Variants in RSPH1 observed in about 807,000 individuals in gnomAD.
RSPH1 encodes the protein radial spoke head component 1, also known as radial spoke head 1 homolog.
In RSPH1, 32 loss-of-function variants were observed where a neutral mutation model predicts 44.2. The ratio of observed to expected loss-of-function variants is 0.72; its 90% CI spans 0.55 to 0.97. The LOEUF is 0.97. Among genes scored for constraint, RSPH1 ranks in the 50% least tolerant of loss-of-function variants. The pLI is 0.00. For synonymous variants in RSPH1, 134 were observed against 147.3 expected (o/e 0.91, Z 0.65); for missense variants, 391 against 398.7 (o/e 0.98, Z 0.16).
chr21:42,486,562 T>G (rs2054182996), intron 3 of RSPH1, 101 bp from the exon 4 acceptor site: 1 of 815,710 alleles, frequency 1.2e-6, no homozygotes, highest in Non-Finnish European at 2.2e-6. Context: ...AGATGTGTTG[T>G]GAAGCAAATG....
Position 42,496,114 on chromosome 21 carries a change from T to G in RSPH1, c.54+19A>C. 3.1e-6 allele frequency: 5 copies of G among 1,613,870 alleles called. No individual in the cohort carries two copies. Among genetic ancestry groups the G allele is most frequent in the Non-Finnish European group, 4.2e-6 (5 of 1,179,882 alleles). ...CCGCTGCGCACCCTGGGAAGCCCTTTCTCACCAGGAGCTCTCACCCCAATA... is the reference window on the plus strand; with the variant it reads ...CCGCTGCGCACCCTGGGAAGCCCTTGCTCACCAGGAGCTCTCACCCCAATA... On this transcript the variant is annotated intron_variant, in intron 1 of 8. Transcript: ENST00000291536.
intron 5 of RSPH1, chr21:42,485,252 G>C: frequency 5.8e-6 from 1 of 171,092 alleles, no homozygotes; most frequent in Admixed American, 5.7e-5. Context: ...GGGAGCTGGG[G>C]GTCTTCCTCC....
intron 6 of RSPH1, among the ~76,000 whole-genome samples, chr21:42,478,377 G>A (rs2054092724): frequency 1.3e-5 from 2 of 152,224 alleles, no homozygotes; most frequent in African/African-American, 2.4e-5. Context: ...CAATGCTGCA[G>A]GACAGGGTCC....
intron 5 of RSPH1, among the ~76,000 whole-genome samples, chr21:42,484,260 T>C (rs537794228): frequency 7.9e-5 from 12 of 152,304 alleles, no homozygotes; most frequent in Middle Eastern, 6.8e-3. Flanking sequence ...GAATATATGA[T>C]AAACAGACTC....
rs531639249 is a variant in RSPH1, at chr21:42,494,885, A to C, written c.54+1248T>G. On this transcript the variant is annotated intron_variant, in intron 1 of 8. Coordinates refer to ENST00000291536, the MANE Select transcript of RSPH1 (RefSeq NM_080860.4). ...CGGCTAATTTTTTGTATTTTAGTAG[A>C]GACAGGGTTTCACCGTGTTGCCCAG... Among the ~76,000 whole-genome samples, 14 of 152,130 alleles carry C rather than the reference A, an allele frequency of 9.2e-5. No individual in the cohort carries two copies. In the South Asian group the frequency reaches 2.9e-3, roughly 32 times the overall value.
At chr21:42,488,734 A>T in intron 3 of RSPH1, among the ~76,000 whole-genome samples, 1 of 152,198 alleles carries the variant, frequency 6.6e-6, no homozygotes, top group East Asian at 1.9e-4. Context: ...TTGTAATGCC[A>T]CCACAGGGAC....
intron 8 of RSPH1, among the ~76,000 whole-genome samples, chr21:42,473,658 G>T (rs1390840404): frequency 2.0e-5 from 3 of 152,104 alleles, no homozygotes; most frequent in Non-Finnish European, 2.9e-5. Context: ...TGTAATGTGG[G>T]ATTCATGATG....
intron 6 of RSPH1, among the ~76,000 whole-genome samples, chr21:42,478,972 C>T (rs548039081): frequency 1.3e-5 from 2 of 152,178 alleles, no homozygotes; most frequent in African/African-American, 2.4e-5. Context: ...TGGGGGAGGT[C>T]GAATGGGGAG....
chr21:42,481,429 A>C (rs2146650114), intron 6 of RSPH1, among the ~76,000 whole-genome samples: 1 of 152,298 alleles, frequency 6.6e-6, no homozygotes, highest in Non-Finnish European at 1.5e-5. Context: ...TTATAGCAGC[A>C]CAAAAAGGAC....
In RSPH1 at chr21:42,474,068, C is replaced by T. The variant is rs2054019769; in HGVS notation, c.878-1198G>A. On this transcript the variant is annotated intron_variant, in intron 8 of 8. Transcript: ENST00000291536. The surrounding 1 kb of genome is among the most constrained non-coding windows in gnomAD (Gnocchi z 5.2). ...TGCTCCATCCCCTCCGTTATCTCCC[C>T]CACCAAGTTTCTGGGGCCTCCTGCC... 6.6e-6 allele frequency among the ~76,000 whole-genome samples: 1 copy of T among 152,202 alleles called. No homozygotes were observed. Among genetic ancestry groups the T allele is most frequent in the South Asian group, 2.1e-4 (1 of 4,828 alleles).
rs1016453947 is a variant in RSPH1, at chr21:42,474,848, A to G, written c.877+1050T>C. ...ATCACGAAAGTCTATGTGTGCTTCA[A>G]GCATCTAAGAGAAAACTGCTTTATG... On this transcript the variant is annotated intron_variant, in intron 8 of 8. Coordinates refer to ENST00000291536, the MANE Select transcript of RSPH1 (RefSeq NM_080860.4). This position sits in a 1 kb window ranked among gnomAD's most constrained non-coding sequence, Gnocchi z 5.2. 6.6e-6 allele frequency among the ~76,000 whole-genome samples: 1 copy of G among 152,252 alleles called. No homozygotes were observed. Among genetic ancestry groups the G allele is most frequent in the East Asian group, 1.9e-4 (1 of 5,204 alleles).
In RSPH1 at chr21:42,485,734, G is replaced by T; in HGVS notation, c.436C>A (p.Gln146Lys). ...TGAATGAGCTCGGCCGTGCCCTCCT[G>T]CTGTCCGTTCACCCAGGTGCCAACA... ...KYVGTWVNGQ[Q>K]EGTAELIHLN... Residue 146 changes from glutamine (Q) to lysine (K), a missense_variant, in exon 5 of 9, where the codon CAG becomes AAG. Gln to Lys is a moderately conservative substitution (Grantham distance 53). Coordinates refer to ENST00000291536, the MANE Select transcript of RSPH1 (RefSeq NM_080860.4). 1 of 1,614,174 alleles carries T rather than the reference G, an allele frequency of 6.2e-7. No homozygotes were observed.
rs17114994 is a variant in RSPH1, at chr21:42,472,589, C to T, written c.*229G>A. On this transcript the variant is annotated 3_prime_UTR_variant, in exon 9 of 9. Transcript: ENST00000291536. ...AAAACCCTCTAATAAAGATTGTTAA[C>T]TGACAGAAGCATTTTGTTTTTGTTT... 12,116 of 389,198 alleles carry T rather than the reference C, an allele frequency of 0.031. 222 individuals are homozygous for T. The highest frequency in any genetic ancestry group is 0.053 in the Middle Eastern group (79 of 1,484). 24.1% of individuals were successfully genotyped at this position (389,198 alleles called of 1,614,324 possible). A position where few individuals can be genotyped will look rare whatever the true frequency, so the allele number is the denominator to read the frequency against.
intron 6 of RSPH1, among the ~76,000 whole-genome samples, chr21:42,479,783 G>A (rs1372632946): frequency 6.6e-6 from 1 of 151,760 alleles, no homozygotes; most frequent in Non-Finnish European, 1.5e-5. Context: ...GAACCTCGGG[G>A]GAGGACAGTA....
intron 6 of RSPH1, among the ~76,000 whole-genome samples, chr21:42,481,746 T>C (rs193018856): frequency 6.6e-6 from 1 of 152,172 alleles, no homozygotes; most frequent in Non-Finnish European, 1.5e-5. Context: ...TCTAGAGGGA[T>C]TGATCAGACA....
chr21:42,490,496 T>C (rs1207194939), intron 3 of RSPH1, among the ~76,000 whole-genome samples: 1 of 152,236 alleles, frequency 6.6e-6, no homozygotes, highest in African/African-American at 2.4e-5. Flanking sequence ...ATTGCTGCCT[T>C]CATGAAGTAA....
chr21:42,492,146 C>T (rs1167399404), intron 3 of RSPH1, among the ~76,000 whole-genome samples: 3 of 152,234 alleles, frequency 2.0e-5, no homozygotes, highest in Admixed American at 6.5e-5. Flanking sequence ...TGCCGGTCCC[C>T]CTGCCCAGGT....
Position 42,472,662 on chromosome 21 carries a change from G to A in RSPH1, c.*156C>T. ...TCTGCCACCCAGGCTGGAGAGCAGT[G>A]GCGCGATCTCCACTCACTGCAACTG... On this transcript the variant is annotated 3_prime_UTR_variant, in exon 9 of 9. Transcript: ENST00000291536. 1.8e-6 allele frequency: 1 copy of A among 555,268 alleles called. No individual in the cohort carries two copies. The highest frequency in any genetic ancestry group is 3.2e-6 in the Non-Finnish European group (1 of 310,764). The allele number at this position is 555,268 out of a possible 1,614,324, so 34.4% of individuals were successfully genotyped here.
At chr21:42,486,501 A>G in intron 3 of RSPH1, 40 bp from the exon 4 acceptor site, 7 of 1,383,378 alleles carry the variant, frequency 5.1e-6, no homozygotes, top group Non-Finnish European at 7.2e-6. Flanking sequence ...GGTGAGAAGA[A>G]GGGATCGATG....
Sources: allele counts gnomAD v4.1 joint callset (sites outside exome capture counted in the v4.1 genomes callset), GRCh38; gene constraint gnomAD v4.1.1; non-coding constraint Gnocchi (gnomAD v3.1); transcripts MANE v1.5; gene names NCBI Gene and HGNC (gene_info 2026-07-23, HGNC 2026-07-21).